Variants in DORIP1 observed in about 807,000 individuals in gnomAD.
DORIP1 encodes the protein dopamine receptor-interacting protein 1.
chr14:44,905,522 T>C, the DORIP1 span: 1 of 1,527,378 alleles, frequency 6.5e-7, no homozygotes, highest in South Asian at 1.3e-5. Context: ...TTGTCATCAT[T>C]GGTTTATATT....
chr14:44,902,069 A>C, the DORIP1 span, among the ~76,000 whole-genome samples: 1 of 152,236 alleles, frequency 6.6e-6, no homozygotes, highest in African/African-American at 2.4e-5. Flanking sequence ...TTGGAAATGT[A>C]TATCACATAC....
the DORIP1 span, chr14:44,904,283 A>G: frequency 2.0e-6 from 3 of 1,471,818 alleles, no homozygotes; most frequent in Non-Finnish European, 2.7e-6. Flanking sequence ...ACCATTACCT[A>G]CACCTATAAT....
the DORIP1 span, chr14:44,900,477 T>A: frequency 6.4e-7 from 1 of 1,556,418 alleles, no homozygotes; most frequent in Non-Finnish European, 8.6e-7. Flanking sequence ...CAATTAAAAA[T>A]AACTATAACC....
the DORIP1 span, among the ~76,000 whole-genome samples, chr14:44,902,077 T>TA: frequency 6.6e-6 from 1 of 152,212 alleles, no homozygotes; most frequent in Admixed American, 6.5e-5. Context: ...GTATATCACA[T>TA]ACCCTAATTT....
At chr14:44,904,633 A>T in the DORIP1 span, 3 of 1,150,620 alleles carry the variant, frequency 2.6e-6, no homozygotes, top group African/African-American at 4.7e-5. Flanking sequence ...GAAAACAATC[A>T]TATCTGTCTC....
the DORIP1 span, chr14:44,901,106 A>T: frequency 1.3e-6 from 1 of 748,344 alleles, no homozygotes; most frequent in Non-Finnish European, 2.1e-6. Context: ...TATATTTAGT[A>T]TACCTTTCTA....
the DORIP1 span, chr14:44,900,864 T>G: frequency 1.9e-6 from 3 of 1,613,956 alleles, no homozygotes; most frequent in African/African-American, 4.0e-5. Flanking sequence ...CAAAAAATCT[T>G]GAAAATCTCA....
the DORIP1 span, chr14:44,900,910 C>T: frequency 5.6e-6 from 9 of 1,609,510 alleles, no homozygotes; most frequent in Non-Finnish European, 7.6e-6. Flanking sequence ...TTCCAACTGG[C>T]GATGCCCAAC....
At chr14:44,902,821 G>T in the DORIP1 span, among the ~76,000 whole-genome samples, 2 of 151,744 alleles carry the variant, frequency 1.3e-5, no homozygotes, top group Non-Finnish European at 1.5e-5. Flanking sequence ...TTTTTTAACG[G>T]ATCAGGTACT....
the DORIP1 span, chr14:44,903,133 T>C: frequency 3.8e-6 from 4 of 1,055,196 alleles, no homozygotes; most frequent in South Asian, 5.4e-5. Context: ...AGGACTGAGC[T>C]GTAAAATTTG....
chr14:44,899,339 A>C, the DORIP1 span: 1 of 152,256 alleles, frequency 6.6e-6, no homozygotes, highest in Non-Finnish European at 1.5e-5. Context: ...GGGAATAATC[A>C]GGATATTTAT....
the DORIP1 span, among the ~76,000 whole-genome samples, chr14:44,902,708 A>G: frequency 6.6e-6 from 1 of 152,090 alleles, no homozygotes; most frequent in Admixed American, 6.5e-5. Flanking sequence ...TATACTATTG[A>G]ATAAAATATT....
chr14:44,898,795 G>A, the DORIP1 span: 1 of 152,104 alleles, frequency 6.6e-6, no homozygotes, highest in African/African-American at 2.4e-5. Context: ...AGAGTCCACA[G>A]TATCTTGCTT....
the DORIP1 span, chr14:44,900,924 A>G: frequency 6.2e-7 from 1 of 1,604,934 alleles, no homozygotes; most frequent in Non-Finnish European, 8.5e-7. Context: ...GCCCAACTCG[A>G]GTGCAGGAGG....
At chr14:44,904,604 G>C in the DORIP1 span, 1 of 1,335,954 alleles carries the variant, frequency 7.5e-7, no homozygotes. Context: ...ATTTTGACTA[G>C]CCCTTAAGAG....
chr14:44,901,020 T>C, the DORIP1 span: 1 of 1,493,928 alleles, frequency 6.7e-7, no homozygotes, highest in Non-Finnish European at 9.0e-7. Flanking sequence ...TTGCTTTAGA[T>C]ATGTAGTCGT....
At chr14:44,900,608 C>T in the DORIP1 span, 3 of 1,609,986 alleles carry the variant, frequency 1.9e-6, no homozygotes, top group African/African-American at 1.3e-5. Flanking sequence ...AATACCTGCA[C>T]CATAGATGGA....
At chr14:44,905,344 A>T in the DORIP1 span, 1 of 1,415,270 alleles carries the variant, frequency 7.1e-7, no homozygotes, top group Admixed American at 2.0e-5. Flanking sequence ...ATTTTCTCTC[A>T]TACTATATTA....
chr14:44,902,503 AT>A, the DORIP1 span, among the ~76,000 whole-genome samples: 4 of 150,052 alleles, frequency 2.7e-5, no homozygotes, highest in Non-Finnish European at 1.5e-5. Flanking sequence ...TAATTTTTGT[AT>A]TTTTTTTTAG....
Sources: allele counts gnomAD v4.1 joint callset (sites outside exome capture counted in the v4.1 genomes callset), GRCh38; gene constraint gnomAD v4.1.1; transcripts MANE v1.5; gene names NCBI Gene and HGNC (gene_info 2026-07-23, HGNC 2026-07-21).